The following ENTREP2 variants were observed in gnomAD, a reference collection of about 807,000 sequenced individuals.
The protein encoded by ENTREP2 is protein ENTREP2.
the ENTREP2 span, among the ~76,000 whole-genome samples, chr15:29,280,700 C>T: frequency 6.6e-6 from 1 of 152,214 alleles, no homozygotes; most frequent in Non-Finnish European, 1.5e-5. Flanking sequence ...GATGTCTCAG[C>T]TGGCGTGGCT....
chr15:29,377,863 A>T, the ENTREP2 span, among the ~76,000 whole-genome samples: 1 of 92,122 alleles, frequency 1.1e-5, no homozygotes, highest in East Asian at 3.4e-4. Context: ...TAATAATAAT[A>T]AAAAAATGAG....
At chr15:29,136,956 A>T in the ENTREP2 span, 502,927 of 1,200,784 alleles carry the variant, frequency 0.42, 113,180 homozygotes, top group Non-Finnish European at 0.46. Flanking sequence ...TGCCTGCAGG[A>T]CCACTGCAAC....
At chr15:29,271,309 G>C in the ENTREP2 span, among the ~76,000 whole-genome samples, 1 of 152,180 alleles carries the variant, frequency 6.6e-6, no homozygotes, top group Non-Finnish European at 1.5e-5. Context: ...TCTGGACTTA[G>C]GTTCATAGAA....
chr15:29,477,164 A>G, the ENTREP2 span, among the ~76,000 whole-genome samples: 1 of 152,200 alleles, frequency 6.6e-6, no homozygotes, highest in Non-Finnish European at 1.5e-5. Flanking sequence ...TAAATAATAC[A>G]TGTTGTATGA....
chr15:29,265,396 T>C, the ENTREP2 span: 1 of 152,238 alleles, frequency 6.6e-6, no homozygotes, highest in African/African-American at 2.4e-5. Context: ...CCTAGCACTT[T>C]AGGAGGCCGA....
the ENTREP2 span, among the ~76,000 whole-genome samples, chr15:29,620,540 A>G: frequency 6.6e-6 from 1 of 152,084 alleles, no homozygotes; most frequent in Non-Finnish European, 1.5e-5. Flanking sequence ...TGGGAGGCTG[A>G]GGCAGGAGGA....
the ENTREP2 span, among the ~76,000 whole-genome samples, chr15:29,210,143 C>A: frequency 6.6e-6 from 1 of 151,900 alleles, no homozygotes; most frequent in Non-Finnish European, 1.5e-5. Flanking sequence ...AACCAATCCA[C>A]AGCCCACACC....
At chr15:29,123,157 T>TC in the ENTREP2 span, 1 of 598,888 alleles carries the variant, frequency 1.7e-6, no homozygotes, top group Middle Eastern at 3.7e-4. Flanking sequence ...ACTGCTCGGC[T>TC]CCCCTCGAGA....
At chr15:29,387,006 A>C in the ENTREP2 span, among the ~76,000 whole-genome samples, 1 of 152,100 alleles carries the variant, frequency 6.6e-6, no homozygotes, top group African/African-American at 2.4e-5. Context: ...CTCCTGCCTG[A>C]CTGCCCTGGC....
the ENTREP2 span, among the ~76,000 whole-genome samples, chr15:29,392,225 G>A: frequency 6.6e-6 from 1 of 152,194 alleles, no homozygotes; most frequent in South Asian, 2.1e-4. Context: ...GCCTCCCAAA[G>A]TGCAGGGATT....
the ENTREP2 span, among the ~76,000 whole-genome samples, chr15:29,190,588 G>C: frequency 7.0e-4 from 106 of 152,290 alleles, no homozygotes; most frequent in Non-Finnish European, 1.4e-3. Flanking sequence ...CCAGGTATGG[G>C]AGGGGAGGAA....
At chr15:29,167,680 T>C in the ENTREP2 span, among the ~76,000 whole-genome samples, 1 of 152,188 alleles carries the variant, frequency 6.6e-6, no homozygotes, top group Non-Finnish European at 1.5e-5. Flanking sequence ...GATGTTGACA[T>C]GGATGTGGTG....
At chr15:29,502,784 T>G in the ENTREP2 span, among the ~76,000 whole-genome samples, 13 of 152,058 alleles carry the variant, frequency 8.5e-5, no homozygotes, top group East Asian at 2.5e-3. Flanking sequence ...GGCTAAGGAT[T>G]TGAACAAAAA....
At chr15:29,537,326 C>G in the ENTREP2 span, among the ~76,000 whole-genome samples, 28 of 152,264 alleles carry the variant, frequency 1.8e-4, no homozygotes, top group Non-Finnish European at 3.8e-4. Context: ...CCGCCAGACA[C>G]AAACACAAAT....
chr15:29,413,086 G>T, the ENTREP2 span, among the ~76,000 whole-genome samples: 1 of 151,708 alleles, frequency 6.6e-6, no homozygotes, highest in Admixed American at 6.6e-5. Flanking sequence ...TTATCCTTTT[G>T]TTATTTATTT....
chr15:29,377,862 T>TAATAATAATAATAATAAA, the ENTREP2 span, among the ~76,000 whole-genome samples: 17 of 100,970 alleles, frequency 1.7e-4, no homozygotes, highest in Middle Eastern at 5.1e-3. Context: ...ATAATAATAA[T>TAATAATAATAATAATAAA]AAAAAAATGA....
the ENTREP2 span, among the ~76,000 whole-genome samples, chr15:29,240,909 C>G: frequency 1.4e-4 from 22 of 152,288 alleles, no homozygotes; most frequent in African/African-American, 4.8e-4. Flanking sequence ...ATATCATCAT[C>G]ATCATCATGA....
chr15:29,608,269 G>T, the ENTREP2 span, among the ~76,000 whole-genome samples: 2 of 152,094 alleles, frequency 1.3e-5, no homozygotes, highest in African/African-American at 4.8e-5. Flanking sequence ...GCCATGTTAA[G>T]GAATGCTTTT....
chr15:29,172,265 ATTTAAC>A, the ENTREP2 span, among the ~76,000 whole-genome samples: 1 of 152,200 alleles, frequency 6.6e-6, no homozygotes, highest in African/African-American at 2.4e-5. Flanking sequence ...TGATGTACTG[ATTTAAC>A]TTTGATTGTG....
Sources: gnomAD v4.1 joint callset for allele counts (sites outside exome capture counted in the v4.1 genomes callset) on GRCh38, gnomAD v4.1.1 for gene constraint, MANE v1.5 for transcripts, NCBI Gene and HGNC (gene_info 2026-07-23, HGNC 2026-07-21) for gene names.